The following ADGRL2 variants were observed in gnomAD, a reference collection of about 807,000 sequenced individuals.
ADGRL2 encodes the protein adhesion G protein-coupled receptor L2.
ADGRL2 carries 44 observed loss-of-function variants against 157.4 expected under a neutral mutation model. That is an observed-to-expected ratio of 0.28 (90% CI 0.22 to 0.36). The LOEUF (loss-of-function observed/expected upper bound fraction) is 0.36. Among genes scored for constraint, ADGRL2 ranks in the 10% least tolerant of loss-of-function variants. The pLI, the probability that ADGRL2 is intolerant of heterozygous loss-of-function variation, is 1.00. For synonymous variants in ADGRL2, 585 were observed against 624.7 expected, an observed-to-expected ratio of 0.94 and a Z score of 0.95; for missense variants, 1,510 against 1,768.9, an observed-to-expected ratio of 0.85 and a Z score of 2.63.
At chr1:81,720,368 C>T (rs529312560) in intron 1 of ADGRL2, among the ~76,000 whole-genome samples, 11 of 152,032 alleles carry the variant, frequency 7.2e-5, no homozygotes, top group Admixed American at 3.9e-4. Context: ...CGGGGTTTCA[C>T]CATGTTGCTC....
intron 2 of ADGRL2, among the ~76,000 whole-genome samples, chr1:81,530,826 T>A (rs934281550): frequency 6.6e-6 from 1 of 152,136 alleles, no homozygotes; most frequent in Non-Finnish European, 1.5e-5. Flanking sequence ...GGCTCATGCC[T>A]GTAATTCCAG....
chr1:81,614,846 T>G (rs1203921424), intron 3 of ADGRL2, among the ~76,000 whole-genome samples: 1 of 105,626 alleles, frequency 9.5e-6, no homozygotes, highest in South Asian at 2.9e-4. Flanking sequence ...TCTCTACAAA[T>G]TAAAAAAAAA....
At chr1:81,458,638 A>ATGGC (rs2077856870) in intron 2 of ADGRL2, among the ~76,000 whole-genome samples, 2 of 152,180 alleles carry the variant, frequency 1.3e-5, no homozygotes, top group Admixed American at 1.3e-4. Flanking sequence ...TCCTCAGCCC[A>ATGGC]TGGCTGAACA....
intron 1 of ADGRL2, among the ~76,000 whole-genome samples, chr1:81,322,105 T>C (rs1160684487): frequency 2.5e-5 from 3 of 120,212 alleles, no homozygotes; most frequent in African/African-American, 8.5e-5. Flanking sequence ...TATATATATA[T>C]ATATACACAT....
At chr1:81,928,465 G>A (rs2095158923) in intron 3 of ADGRL2, among the ~76,000 whole-genome samples, 1 of 151,946 alleles carries the variant, frequency 6.6e-6, no homozygotes. Context: ...TATGTGCTAG[G>A]CATATAATCA....
intron 3 of ADGRL2, among the ~76,000 whole-genome samples, chr1:81,668,374 G>T (rs886882819): frequency 2.6e-5 from 4 of 151,430 alleles, no homozygotes; most frequent in African/African-American, 9.7e-5. Flanking sequence ...GCAGTGAGCT[G>T]GGATCGCACC....
At chr1:81,402,535 A>G (rs1433731013) in intron 1 of ADGRL2, among the ~76,000 whole-genome samples, 1 of 152,174 alleles carries the variant, frequency 6.6e-6, no homozygotes, top group Non-Finnish European at 1.5e-5. Flanking sequence ...AGCTTGTTTT[A>G]ATAAGATTTC....
At chr1:81,412,323 G>A (rs972453139) in intron 1 of ADGRL2, among the ~76,000 whole-genome samples, 6 of 152,148 alleles carry the variant, frequency 3.9e-5, no homozygotes, top group Non-Finnish European at 7.4e-5. Flanking sequence ...TTAAGGAGTG[G>A]AGTTTTGTTA....
At chr1:81,497,077 C>A (rs560710005) in intron 2 of ADGRL2, among the ~76,000 whole-genome samples, 387 of 152,038 alleles carry the variant, frequency 2.5e-3, no homozygotes, top group Non-Finnish European at 3.7e-3. Flanking sequence ...ATAAAGAGAA[C>A]AAAAGGGCCA....
chr1:81,543,723 T>C (rs1376654190), intron 2 of ADGRL2, among the ~76,000 whole-genome samples: 1 of 152,062 alleles, frequency 6.6e-6, no homozygotes, highest in Non-Finnish European at 1.5e-5. Context: ...CCCTTAAAAA[T>C]CTGCAAAGAA....
At chr1:81,818,651 G>A (rs2090662019) in intron 1 of ADGRL2, among the ~76,000 whole-genome samples, 1 of 152,084 alleles carries the variant, frequency 6.6e-6, no homozygotes, top group Non-Finnish European at 1.5e-5. Flanking sequence ...ATTTATTAAG[G>A]CCATGCCAGG....
chr1:81,873,707 A>G (rs1479112762), intron 2 of ADGRL2, among the ~76,000 whole-genome samples: 1 of 152,122 alleles, frequency 6.6e-6, no homozygotes, highest in East Asian at 1.9e-4. Flanking sequence ...GAATATTATC[A>G]TAATCTTTGA....
At position 81,657,889 on chromosome 1, in the gene ADGRL2, T is replaced by G. The variant is rs188619395; in HGVS notation, c.-143+76909T>G. 7.2e-4 allele frequency among the ~76,000 whole-genome samples: 109 copies of G among 152,304 alleles called. 3 individuals carry two copies. The East Asian group carries it at 0.021, about 29-fold the overall frequency. ...CCTATTACCACATATTATTTTTCAA[T>G]CATAGAACCTTTTTGTTCTTATTTT... On this transcript the variant is annotated intron_variant, in intron 3 of 24. Coordinates refer to the ADGRL2 transcript ENST00000370721.
intron 3 of ADGRL2, among the ~76,000 whole-genome samples, chr1:81,587,247 A>G (rs1462141033): frequency 6.6e-6 from 1 of 152,150 alleles, no homozygotes; most frequent in African/African-American, 2.4e-5. Context: ...AATAAACAAT[A>G]ACAAAGAATA....
chr1:81,879,772 G>A (rs1468877814), intron 2 of ADGRL2, among the ~76,000 whole-genome samples: 2 of 152,138 alleles, frequency 1.3e-5, no homozygotes, highest in East Asian at 1.9e-4. Context: ...AGCACTTTGG[G>A]AGGCCGAGGC....
chr1:81,643,494 A>T (rs1369551368), intron 3 of ADGRL2, among the ~76,000 whole-genome samples: 1 of 151,966 alleles, frequency 6.6e-6, no homozygotes, highest in African/African-American at 2.4e-5. Context: ...TATTTTTTAG[A>T]GATGGGGTCT....
intron 2 of ADGRL2, among the ~76,000 whole-genome samples, chr1:81,569,776 C>T (rs556473273): frequency 6.6e-6 from 1 of 152,128 alleles, no homozygotes; most frequent in Non-Finnish European, 1.5e-5. Flanking sequence ...TGCCACTGCA[C>T]TCCAGCCCTG....
chr1:81,642,248 CAAA>C (rs35830955), intron 3 of ADGRL2, among the ~76,000 whole-genome samples: 2 of 61,624 alleles, frequency 3.2e-5, no homozygotes, highest in Non-Finnish European at 3.2e-5. Context: ...ACTCTGTCTC[CAAA>C]AAAAAAAAAA....
At chr1:81,554,119 AT>A (rs2080214976) in intron 2 of ADGRL2, among the ~76,000 whole-genome samples, 1 of 152,260 alleles carries the variant, frequency 6.6e-6, no homozygotes, top group South Asian at 2.1e-4. Context: ...TTCTTCACCC[AT>A]TTTACACTAT....
Sources: allele counts gnomAD v4.1 joint callset (sites outside exome capture counted in the v4.1 genomes callset), GRCh38; gene constraint gnomAD v4.1.1; transcripts MANE v1.5; gene names NCBI Gene and HGNC (gene_info 2026-07-23, HGNC 2026-07-21).